DHH: variants seen among roughly 807,000 people sequenced by gnomAD.
DHH encodes desert hedgehog signaling molecule.
DHH carries 16 observed loss-of-function variants against 27.6 expected under a neutral mutation model. The ratio of observed to expected loss-of-function variants is 0.58; its 90% CI spans 0.39 to 0.88. DHH has a LOEUF of 0.88. Among genes scored for constraint, DHH ranks in the 40% least tolerant of loss-of-function variants. The probability of loss-of-function intolerance (pLI) is 0.00; values close to 1 mark genes in which losing one functional copy is unlikely to be tolerated. For missense variants in DHH, 436 were observed against 563.1 expected, an observed-to-expected ratio of 0.77 and a Z score of 2.28; for synonymous variants, 289 against 263.4, an observed-to-expected ratio of 1.10 and a Z score of -0.94.
Position 49,091,202 on chromosome 12 carries a change from C to T in DHH, c.491G>A (p.Arg164His). The change falls in exon 2 of 3, where the codon CGC becomes CAC. Residue 164 changes from arginine (R) to histidine (H), a missense_variant. Physicochemically the swap from Arg to His is conservative, Grantham distance 29. Transcript: ENST00000649637. This position sits in a 1 kb window ranked among gnomAD's most constrained non-coding sequence, Gnocchi z 4.8. ...RDRNKYGLLARLAVEAGFDWV... is the reference protein window; with the variant it reads ...RDRNKYGLLAHLAVEAGFDWV... Reference sequence around the variant, plus strand: ...GTCGAAGCCGGCTTCCACTGCGAGGCGCGCCAGCAACCCATACTTGTTGCG... The same window carrying T: ...GTCGAAGCCGGCTTCCACTGCGAGGTGCGCCAGCAACCCATACTTGTTGCG... 6.2e-7 allele frequency: 1 copy of T among 1,614,224 alleles called. No homozygotes were observed. The highest frequency in any genetic ancestry group is 8.5e-7 in the Non-Finnish European group (1 of 1,180,040).
Position 49,091,040 on chromosome 12 carries a change from C to A in DHH, c.565+88G>T. The A allele has an allele frequency of 6.2e-7, 1 of 1,604,640 alleles. No individual in the cohort carries two copies. The highest frequency in any genetic ancestry group is 8.5e-7 in the Non-Finnish European group (1 of 1,172,184). Reference sequence around the variant, plus strand: ...TCAACACTAAAGCCCGCTTGGTCTCCCCTAGGGTGGCAACAGTACTACTGC... The same window carrying A: ...TCAACACTAAAGCCCGCTTGGTCTCACCTAGGGTGGCAACAGTACTACTGC... On this transcript the variant is annotated intron_variant, in intron 2 of 2. Coordinates refer to ENST00000649637, the MANE Select transcript of DHH (RefSeq NM_021044.4). This position sits in a 1 kb window ranked among gnomAD's most constrained non-coding sequence, Gnocchi z 4.8.
rs1327087110 is a variant in DHH, at chr12:49,091,441, G to A, written c.304-52C>T. The A allele has an allele frequency of 2.5e-6, 4 of 1,607,908 alleles. No individual in the cohort carries two copies. The South Asian group carries it at 4.4e-5, about 18-fold the overall frequency. On this transcript the variant is annotated intron_variant, in intron 1 of 2. Transcript: ENST00000649637. This position sits in a 1 kb window ranked among gnomAD's most constrained non-coding sequence, Gnocchi z 4.8. Reference sequence around the variant, plus strand: ...CCCCACCACCACCCTTGGGGCAAAAGGGACCTGGATAGGAGGGTTGATTCT... The same window carrying A: ...CCCCACCACCACCCTTGGGGCAAAAAGGACCTGGATAGGAGGGTTGATTCT...
rs1184832305 is a variant in DHH at position 49,088,187 on chromosome 12, TA to T, written c.*1671del. Among the ~76,000 whole-genome samples, 1 of 152,058 alleles carries T rather than the reference TA, an allele frequency of 6.6e-6. No individual in the cohort carries two copies. The highest frequency in any genetic ancestry group is 2.4e-5 in the African/African-American group (1 of 41,396). ...GCTTCCAGGAACCACAGAGCTAAAC[TA>T]GGCAGGAGTGATGTAAAAGTGCCAT... On this transcript the variant is annotated 3_prime_UTR_variant, in exon 3 of 3. Transcript: ENST00000649637.
In DHH at chr12:49,091,750, C is replaced by CTGGAGAG. The variant is rs1939308300; in HGVS notation, c.304-362_304-361insCTCTCCA. ...GTGGTCAGGGAGGGCCTGGTTGCTC[C>CTGGAGAG]CGGAGAGCCCCTGTTTGAGCCTGGC... On this transcript the variant is annotated intron_variant, in intron 1 of 2. Transcript: ENST00000649637. This position sits in a 1 kb window ranked among gnomAD's most constrained non-coding sequence, Gnocchi z 4.8. Among the ~76,000 whole-genome samples, 1 of 152,156 alleles carries CTGGAGAG rather than the reference C, an allele frequency of 6.6e-6. No individual in the cohort carries two copies. Among genetic ancestry groups the CTGGAGAG allele is most frequent in the Admixed American group, 6.5e-5 (1 of 15,272 alleles).
chr12:49,089,748 C>T lies in DHH; in HGVS notation c.*111G>A. 6 of 1,376,032 alleles carry T rather than the reference C, an allele frequency of 4.4e-6. No homozygotes were observed. Among genetic ancestry groups the T allele is most frequent in the Non-Finnish European group, 5.7e-6 (6 of 1,051,814 alleles). 85.2% of individuals were successfully genotyped at this position (1,376,032 alleles called of 1,614,324 possible). On this transcript the variant is annotated 3_prime_UTR_variant, in exon 3 of 3. Coordinates refer to ENST00000649637, the MANE Select transcript of DHH (RefSeq NM_021044.4). ...AGGCATAGCCCCATTTTCTCCCTCC[C>T]CCTCCCTCTCCCTCCCTTCCAGTCG...
rs1939291565 is a variant in DHH at position 49,090,951 on chromosome 12, C to A, written c.565+177G>T. Among the ~76,000 whole-genome samples, 1 of 152,192 alleles carries A rather than the reference C, an allele frequency of 6.6e-6. No homozygotes were observed. Among genetic ancestry groups the A allele is most frequent in the East Asian group, 1.9e-4 (1 of 5,198 alleles). On this transcript the variant is annotated intron_variant, in intron 2 of 2. Transcript: ENST00000649637. This position sits in a 1 kb window ranked among gnomAD's most constrained non-coding sequence, Gnocchi z 5.2. Reference sequence around the variant, plus strand: ...TCCTGACCTCAAGTGATCCGCCCTCCTTGGCCTCCCAAAGTGCTGGGATTA... The same window carrying A: ...TCCTGACCTCAAGTGATCCGCCCTCATTGGCCTCCCAAAGTGCTGGGATTA...
chr12:49,088,783 G>A lies in DHH; in HGVS notation c.*1076C>T, dbSNP rs1409818058. The stretch of plus-strand genomic sequence containing the variant: ...GGGCCAGCGATCAGGAGGGGAGCTC[G>A]GGTTGTAATGCTGATATGCCCTTGT... On this transcript the variant is annotated 3_prime_UTR_variant, in exon 3 of 3. Coordinates refer to ENST00000649637, the MANE Select transcript of DHH (RefSeq NM_021044.4). 1.3e-5 allele frequency among the ~76,000 whole-genome samples: 2 copies of A among 152,140 alleles called. No individual in the cohort carries two copies. Among genetic ancestry groups the A allele is most frequent in the Non-Finnish European group, 2.9e-5 (2 of 68,026 alleles).
chr12:49,091,517 G>A lies in DHH; in HGVS notation c.304-128C>T. On this transcript the variant is annotated intron_variant, in intron 1 of 2. Coordinates refer to ENST00000649637, the MANE Select transcript of DHH (RefSeq NM_021044.4). This position sits in a 1 kb window ranked among gnomAD's most constrained non-coding sequence, Gnocchi z 4.8. ...CCTCCCAGCTTTTGAGTGTCCTGGAGAAATGAGAATCTGAGTCGATGGTAG... is the reference window on the plus strand; with the variant it reads ...CCTCCCAGCTTTTGAGTGTCCTGGAAAAATGAGAATCTGAGTCGATGGTAG... The A allele has an allele frequency of 7.3e-7, 1 of 1,370,400 alleles. No individual in the cohort carries two copies. The highest frequency in any genetic ancestry group is 1.0e-6 in the Non-Finnish European group (1 of 1,000,328). The allele number at this position is 1,370,400 out of a possible 1,614,324, so 84.9% of individuals were successfully genotyped here.
intron 1 of DHH, chr12:49,093,388 C>T (rs1939338109): frequency 6.6e-6 from 1 of 152,144 alleles, no homozygotes; most frequent in Non-Finnish European, 1.5e-5. Context: ...GACCCCGTCT[C>T]TACAAAAAAT....
At position 49,090,731 on chromosome 12, in the gene DHH, G is replaced by A. The variant is rs912367054; in HGVS notation, c.566-247C>T. ...TGTATGTATTTTGAGATAGAATCTC[G>A]CTCTGTCGCCCAGTAGATGGAGTGC... On this transcript the variant is annotated intron_variant, in intron 2 of 2. Coordinates refer to ENST00000649637, the MANE Select transcript of DHH (RefSeq NM_021044.4). The surrounding 1 kb of genome is among the most constrained non-coding windows in gnomAD (Gnocchi z 5.2). 1.3e-5 allele frequency among the ~76,000 whole-genome samples: 2 copies of A among 151,236 alleles called. No individual in the cohort carries two copies. The highest frequency in any genetic ancestry group is 4.9e-5 in the African/African-American group (2 of 41,122).
rs1458523283 is a variant in DHH at position 49,094,318 on chromosome 12, C to T, written c.195G>A (p.Gly65=). The T allele has an allele frequency of 1.2e-6, 2 of 1,613,342 alleles. No homozygotes were observed. Among genetic ancestry groups the T allele is most frequent in the East Asian group, 2.2e-5 (1 of 44,878 alleles). ...RTLGASGPAE[G]RVARGSERFR... ...AGCGCTCGGAGCCCCTTGCCACCCT[C>T]CCCTCCGCTGGCCCACTGGCGCCCA... Residue 65 remains glycine (G), a synonymous_variant, in exon 1 of 3, where the codon GGG becomes GGA. Coordinates refer to ENST00000649637, the MANE Select transcript of DHH (RefSeq NM_021044.4).
chr12:49,090,580 A>G lies in DHH; in HGVS notation c.566-96T>C. ...AGATATCGCCAGTCATGGACAACAC[A>G]ATTTTCCGTTAATCTGACTGGCCCC... On this transcript the variant is annotated intron_variant, in intron 2 of 2. Transcript: ENST00000649637. The surrounding 1 kb of genome is among the most constrained non-coding windows in gnomAD (Gnocchi z 5.2). 6.6e-7 allele frequency: 1 copy of G among 1,515,818 alleles called. No individual in the cohort carries two copies. The highest frequency in any genetic ancestry group is 8.9e-7 in the Non-Finnish European group (1 of 1,125,760). 93.9% of individuals were successfully genotyped at this position (1,515,818 alleles called of 1,614,324 possible). A position where few individuals can be genotyped will look rare whatever the true frequency, so the allele number is the denominator to read the frequency against.
In DHH at chr12:49,090,645, C is replaced by T. The variant is rs575058721; in HGVS notation, c.566-161G>A. Among the ~76,000 whole-genome samples the T allele has an allele frequency of 2.6e-5, 4 of 151,846 alleles. No homozygotes were observed. The highest frequency in any genetic ancestry group is 5.9e-5 in the Non-Finnish European group (4 of 67,986). On this transcript the variant is annotated intron_variant, in intron 2 of 2. Coordinates refer to ENST00000649637, the MANE Select transcript of DHH (RefSeq NM_021044.4). The surrounding 1 kb of genome is among the most constrained non-coding windows in gnomAD (Gnocchi z 5.2). ...AGGAAGGGCGGTTTTTCTTTCTTTT[C>T]TTTTCCTTTTTCTTCTCTTTTCTAT... is the stretch of plus-strand genomic sequence containing the variant.
intron 1 of DHH, among the ~76,000 whole-genome samples, chr12:49,093,841 C>T (rs1939345751): frequency 6.6e-6 from 1 of 152,180 alleles, no homozygotes; most frequent in Admixed American, 6.5e-5. Context: ...TGCTACCTAG[C>T]CAGCTCCTGG....
In DHH at chr12:49,090,998, G is replaced by C; in HGVS notation, c.565+130C>G. On this transcript the variant is annotated intron_variant, in intron 2 of 2. Coordinates refer to ENST00000649637, the MANE Select transcript of DHH (RefSeq NM_021044.4). This position sits in a 1 kb window ranked among gnomAD's most constrained non-coding sequence, Gnocchi z 5.2. Reference sequence around the variant, plus strand: ...ATTAGAGGCGTGAGGCACCGCCTCGGCCTGGACGGGTGGTTTTCAACACTA... The same window carrying C: ...ATTAGAGGCGTGAGGCACCGCCTCGCCCTGGACGGGTGGTTTTCAACACTA... 7.1e-7 allele frequency: 1 copy of C among 1,409,668 alleles called. No individual in the cohort carries two copies. Among genetic ancestry groups the C allele is most frequent in the Non-Finnish European group, 1.0e-6 (1 of 1,002,686 alleles). The allele number at this position is 1,409,668 out of a possible 1,614,324, so 87.3% of individuals were successfully genotyped here.
rs1334520771 is a variant in DHH, at chr12:49,090,049, A to C, written c.1001T>G (p.Leu334Arg). The change falls in exon 3 of 3, where the codon CTG (leucine) becomes CGG (arginine). Residue 334 changes from leucine to arginine, a missense_variant. By Grantham distance (102) the Leu-to-Arg change is moderately radical. Coordinates refer to ENST00000649637, the MANE Select transcript of DHH (RefSeq NM_021044.4). The surrounding 1 kb of genome is among the most constrained non-coding windows in gnomAD (Gnocchi z 5.2). Reference protein sequence around the residue: ...VFAPLTAHGTLLVNDVLASCY... With the variant: ...VFAPLTAHGTRLVNDVLASCY... Reference sequence around the variant, plus strand: ...AGAGGCCAGGACATCGTTCACCAGCAGCGTCCCGTGCGCGGTGAGCGGCGC... The same window carrying C: ...AGAGGCCAGGACATCGTTCACCAGCCGCGTCCCGTGCGCGGTGAGCGGCGC... The C allele has an allele frequency of 6.5e-7, 1 of 1,544,206 alleles. No individual in the cohort carries two copies. Among genetic ancestry groups the C allele is most frequent in the Non-Finnish European group, 8.7e-7 (1 of 1,145,936 alleles).
At position 49,087,192 on chromosome 12, in the gene DHH, A is replaced by G. The variant is rs1328937645; in HGVS notation, c.*2667T>C. On this transcript the variant is annotated 3_prime_UTR_variant, in exon 3 of 3. Transcript: ENST00000649637. ...ATTGCCGCTTGAAGGCAAGTCATGG[A>G]TTTTTTTTTTTTTTGAGAGTTAGGA... 1.4e-5 allele frequency among the ~76,000 whole-genome samples: 2 copies of G among 146,314 alleles called. No homozygotes were observed. Among genetic ancestry groups the G allele is most frequent in the Non-Finnish European group, 3.0e-5 (2 of 66,374 alleles).
Position 49,094,324 on chromosome 12 carries a change from C to T in DHH, c.189G>A (p.Ala63=), listed in dbSNP as rs751248803. Residue 63 remains alanine, a synonymous_variant, in exon 1 of 3, where the codon GCG becomes GCA. Coordinates refer to ENST00000649637, the MANE Select transcript of DHH (RefSeq NM_021044.4). ...PERTLGASGP[A]EGRVARGSER... ...CGGAGCCCCTTGCCACCCTCCCCTC[C>T]GCTGGCCCACTGGCGCCCAGGGTCC... 12 of 1,613,316 alleles carry T rather than the reference C, an allele frequency of 7.4e-6. No homozygotes were observed. Among genetic ancestry groups the T allele is most frequent in the Non-Finnish European group, 9.3e-6 (11 of 1,179,952 alleles).
Position 49,094,487 on chromosome 12 carries a change from G to A in DHH, c.26C>T (p.Pro9Leu), listed in dbSNP as rs555219086. The stretch of plus-strand genomic sequence containing the variant: ...CGCCAGAAGTGCCAAGCAGCACAGG[G>A]GCAGTAGATTGGTCAGGAGAGCCAT... Reference protein sequence around the residue: MALLTNLLPLCCLALLALP... With the variant: MALLTNLLLLCCLALLALP... Residue 9 changes from proline (P) to leucine (L), a missense_variant, in exon 1 of 3, where the codon CCC becomes CTC. Pro to Leu is a moderately conservative substitution (Grantham distance 98). Coordinates refer to ENST00000649637, the MANE Select transcript of DHH (RefSeq NM_021044.4). The A allele has an allele frequency of 1.3e-6, 2 of 1,566,394 alleles. No homozygotes were observed. The highest frequency in any genetic ancestry group is 1.4e-5 in the African/African-American group (1 of 73,694).
Sources: allele counts gnomAD v4.1 joint callset (sites outside exome capture counted in the v4.1 genomes callset), GRCh38; gene constraint gnomAD v4.1.1; non-coding constraint Gnocchi (gnomAD v3.1); transcripts MANE v1.5; gene names NCBI Gene and HGNC (gene_info 2026-07-23, HGNC 2026-07-21).